The following ANO6 variants were observed in gnomAD, a reference collection of about 807,000 sequenced individuals.
ANO6 encodes the protein anoctamin 6.
ANO6 carries 106 observed loss-of-function variants against 117.5 expected under a neutral mutation model. The ratio of observed to expected loss-of-function variants is 0.90; its 90% CI spans 0.77 to 1.06. The LOEUF is 1.06. ANO6 is among the 50% of genes least tolerant of loss of function. ANO6 has a pLI of 0.00. For synonymous variants in ANO6, 367 were observed against 385.1 expected, an observed-to-expected ratio of 0.95 and a Z score of 0.55; for missense variants, 955 against 1,121.1, an observed-to-expected ratio of 0.85 and a Z score of 2.12.
rs546746361 is a variant in ANO6, at chr12:45,270,309, G to T, written c.71-31705G>T. On this transcript the variant is annotated intron_variant, in intron 1 of 19. Coordinates refer to ENST00000320560, the MANE Select transcript of ANO6 (RefSeq NM_001025356.3). ...TTAGCCATCCCATGTTATAGATAAGGAAAATGAGAGCAAAAATGGTCAAAT... is the reference window on the plus strand; with the variant it reads ...TTAGCCATCCCATGTTATAGATAAGTAAAATGAGAGCAAAAATGGTCAAAT... Among the ~76,000 whole-genome samples, 3 of 152,296 alleles carry T rather than the reference G, an allele frequency of 2.0e-5. No individual in the cohort carries two copies. The South Asian group carries it at 6.2e-4, about 32-fold the overall frequency.
chr12:45,347,793 A>C (rs945118050), intron 4 of ANO6, among the ~76,000 whole-genome samples: 1 of 152,228 alleles, frequency 6.6e-6, no homozygotes, highest in African/African-American at 2.4e-5. Context: ...TTATTTTCAT[A>C]GTTTTATGAA....
chr12:45,429,567 A>G lies in ANO6; in HGVS notation c.*256A>G. The G allele has an allele frequency of 7.8e-7, 1 of 1,277,364 alleles. No individual in the cohort carries two copies. The highest frequency in any genetic ancestry group is 9.9e-7 in the Non-Finnish European group (1 of 1,006,170). The allele number at this position is 1,277,364 out of a possible 1,614,324, so 79.1% of individuals were successfully genotyped here. On this transcript the variant is annotated 3_prime_UTR_variant, in exon 20 of 20. Coordinates refer to ENST00000320560, the MANE Select transcript of ANO6 (RefSeq NM_001025356.3). ...TTTTTCTGATAAATTGGAATTTTAC[A>G]GAAAAAGTCCCTCAGTGTGCTTAAA...
intron 10 of ANO6, among the ~76,000 whole-genome samples, chr12:45,378,949 A>T (rs1849763876): frequency 6.6e-6 from 1 of 152,186 alleles, no homozygotes; most frequent in South Asian, 2.1e-4. Context: ...GAACTTTACC[A>T]CTATATATTA....
At chr12:45,360,939 A>T (rs1941539553) in intron 8 of ANO6, among the ~76,000 whole-genome samples, 1 of 152,210 alleles carries the variant, frequency 6.6e-6, no homozygotes, top group Non-Finnish European at 1.5e-5. Flanking sequence ...ATTGATCTAC[A>T]TGTCTGCATT....
At chr12:45,363,613 C>A (rs966085493) in intron 8 of ANO6, among the ~76,000 whole-genome samples, 5 of 151,600 alleles carry the variant, frequency 3.3e-5, no homozygotes, top group Non-Finnish European at 7.4e-5. Flanking sequence ...TCTGGTAGGG[C>A]AGCTGATATG....
chr12:45,325,673 C>A (rs535211720), intron 2 of ANO6, among the ~76,000 whole-genome samples: 2 of 152,100 alleles, frequency 1.3e-5, no homozygotes, highest in South Asian at 4.2e-4. Context: ...ACATTTTTTT[C>A]TTTTCATTTA....
exon 20 of ANO6, chr12:45,439,730 A>G (rs1325489859): frequency 3.2e-6 from 5 of 1,544,232 alleles, no homozygotes; most frequent in East Asian, 4.9e-5. Context: ...GCTCACTGCA[A>G]CCTCCGCCTC....
chr12:45,254,256 GT>G (rs1259082774), intron 1 of ANO6, among the ~76,000 whole-genome samples: 2 of 152,204 alleles, frequency 1.3e-5, no homozygotes, highest in Non-Finnish European at 2.9e-5. Context: ...TATGAATTGA[GT>G]TGCAGGGCCA....
intron 2 of ANO6, among the ~76,000 whole-genome samples, chr12:45,316,353 G>A (rs1312949094): frequency 6.6e-6 from 1 of 152,076 alleles, no homozygotes; most frequent in Non-Finnish European, 1.5e-5. Flanking sequence ...AGTATAAGGT[G>A]TGCTGTGAGC....
intron 12 of ANO6, among the ~76,000 whole-genome samples, chr12:45,393,417 C>T (rs1942512778): frequency 1.3e-5 from 2 of 152,224 alleles, no homozygotes; most frequent in African/African-American, 4.8e-5. Context: ...TTGGAAAACA[C>T]TCTGCAGGAT....
chr12:45,335,204 T>TG (rs1377536910), intron 3 of ANO6, among the ~76,000 whole-genome samples: 2 of 152,010 alleles, frequency 1.3e-5, no homozygotes, highest in Non-Finnish European at 2.9e-5. Context: ...ATCTGGCCAG[T>TG]GGAGACTGTA....
At chr12:45,318,935 A>C (rs1033381026) in intron 2 of ANO6, among the ~76,000 whole-genome samples, 1 of 152,120 alleles carries the variant, frequency 6.6e-6, no homozygotes, top group Non-Finnish European at 1.5e-5. Flanking sequence ...TTGGTGTATA[A>C]GAATGCTTGT....
At chr12:45,323,560 A>G (rs1421437490) in intron 2 of ANO6, among the ~76,000 whole-genome samples, 1 of 152,238 alleles carries the variant, frequency 6.6e-6, no homozygotes, top group African/African-American at 2.4e-5. Flanking sequence ...TTGAGCTTTT[A>G]CTATATTCCA....
Position 45,216,154 on chromosome 12 carries a change from G to T in ANO6, c.-168G>T, listed in dbSNP as rs992155602. 1.4e-6 allele frequency: 1 copy of T among 715,288 alleles called. No homozygotes were observed. 44.3% of individuals were successfully genotyped at this position (715,288 alleles called of 1,614,324 possible). A position where few individuals can be genotyped will look rare whatever the true frequency, so the allele number is the denominator to read the frequency against. On this transcript the variant is annotated 5_prime_UTR_variant, in exon 1 of 20. Transcript: ENST00000320560. ...CCTCCGGCTCTGGGCTCCGGTCGGT[G>T]GGTGCCTCGGCTCGGCTTTCCCCGG...
intron 7 of ANO6, among the ~76,000 whole-genome samples, chr12:45,352,599 C>T (rs1305859050): frequency 2.7e-5 from 4 of 147,504 alleles, no homozygotes; most frequent in Non-Finnish European, 4.5e-5. Context: ...CACGATGGCT[C>T]TCACACCTGT....
In ANO6 at chr12:45,369,181, A is replaced by G. The variant is rs1399729802; in HGVS notation, c.1104+1388A>G. 2.0e-5 allele frequency among the ~76,000 whole-genome samples: 3 copies of G among 152,210 alleles called. No individual in the cohort carries two copies. In the East Asian group the frequency reaches 5.8e-4, roughly 29 times the overall value. On this transcript the variant is annotated intron_variant, in intron 9 of 19. Coordinates refer to ENST00000320560, the MANE Select transcript of ANO6 (RefSeq NM_001025356.3). Reference sequence around the variant, plus strand: ...TAAGCCCCCTCTCCCAAACCAACACAAACTCTAGACTATAAATATCTGTTG... The same window carrying G: ...TAAGCCCCCTCTCCCAAACCAACACGAACTCTAGACTATAAATATCTGTTG...
chr12:45,403,286 TTC>T (rs1942844263), intron 14 of ANO6, 45 bp downstream of exon 14: 1 of 1,593,804 alleles, frequency 6.3e-7, no homozygotes, highest in African/African-American at 1.3e-5. Flanking sequence ...AAGCTGAGTT[TTC>T]TCTCAGTTGC....
chr12:45,273,366 A>C (rs1315284256), intron 1 of ANO6, among the ~76,000 whole-genome samples: 1 of 152,202 alleles, frequency 6.6e-6, no homozygotes, highest in African/African-American at 2.4e-5. Flanking sequence ...TTTTGATCAA[A>C]AGTCATATAG....
intron 8 of ANO6, 26 bp from the exon 9 acceptor site, chr12:45,367,662 A>G (rs749740041): frequency 3.1e-6 from 5 of 1,591,618 alleles, no homozygotes; most frequent in Non-Finnish European, 4.3e-6. Context: ...ATTTTTTAAA[A>G]TTAAGTTTTA....
Sources: gnomAD v4.1 joint callset for allele counts (sites outside exome capture counted in the v4.1 genomes callset) on GRCh38, gnomAD v4.1.1 for gene constraint, MANE v1.5 for transcripts, NCBI Gene and HGNC (gene_info 2026-07-23, HGNC 2026-07-21) for gene names.